The following COL5A1 variants were observed in gnomAD, a reference collection of about 807,000 sequenced individuals.
COL5A1 encodes the protein collagen type V alpha 1 chain.
Under a neutral mutation model 263.7 loss-of-function variants are expected in COL5A1, and 16 were observed. That is an observed-to-expected ratio of 0.06 (90% confidence interval 0.04 to 0.09). The LOEUF (loss-of-function observed/expected upper bound fraction) is 0.09, where lower values mean the gene tolerates loss of function less well. COL5A1 is among the 10% of genes least tolerant of loss of function. COL5A1 has a pLI of 1.00. For missense variants in COL5A1, 2,036 were observed against 2,540.5 expected (o/e 0.80, Z 4.27); for synonymous variants, 1,012 against 1,004.5 (o/e 1.01, Z -0.14).
chr9:134,806,119 G>A (rs1356123900), intron 41 of COL5A1, 70 bp from the exon 42 acceptor site: 1 of 1,141,948 alleles, frequency 8.8e-7, no homozygotes, highest in South Asian at 1.3e-5. Context: ...TGATCAGCTG[G>A]TGCTTTACAA....
rs372237723 is a variant in COL5A1, at chr9:134,699,859, T to C, written c.278-50T>C. 1.1e-3 allele frequency: 1,679 copies of C among 1,571,870 alleles called. 25 individuals are homozygous for C. The South Asian group carries it at 0.017, about 16-fold the overall frequency. On this transcript the variant is annotated intron_variant, in intron 2 of 65. Transcript: ENST00000371817. ...GTTTGCAGAGAGCCATGGCTGGGTG[T>C]GGTTGCAGGGGCTCCCCGACTGCCT...
chr9:134,842,362 G>T lies in COL5A1; in HGVS notation c.*59G>T. Reference sequence around the variant, plus strand: ...CGTGACCTCAGCATGCCATTCGTTCGTGAGTGTCCCGTGCACGTCCTGACC... The same window carrying T: ...CGTGACCTCAGCATGCCATTCGTTCTTGAGTGTCCCGTGCACGTCCTGACC... On this transcript the variant is annotated 3_prime_UTR_variant, in exon 66 of 66. Coordinates refer to ENST00000371817, the MANE Select transcript of COL5A1 (RefSeq NM_000093.5). This position sits in a 1 kb window ranked among gnomAD's most constrained non-coding sequence, Gnocchi z 5.8. 6.2e-7 allele frequency: 1 copy of T among 1,600,168 alleles called. No individual in the cohort carries two copies. Among genetic ancestry groups the T allele is most frequent in the Non-Finnish European group, 8.5e-7 (1 of 1,171,964 alleles).
At chr9:134,734,676 G>A (rs1369112515) in intron 9 of COL5A1, among the ~76,000 whole-genome samples, 3 of 152,224 alleles carry the variant, frequency 2.0e-5, no homozygotes, top group Admixed American at 6.5e-5. Context: ...AAAAGGACAG[G>A]AATCCACGGA....
At chr9:134,793,241 T>C (rs1355899285) in intron 32 of COL5A1, among the ~76,000 whole-genome samples, 1 of 152,026 alleles carries the variant, frequency 6.6e-6, no homozygotes, top group Non-Finnish European at 1.5e-5. Flanking sequence ...CTAGCTGTGT[T>C]TGACTTCCCC....
In COL5A1 at chr9:134,789,940, G is replaced by A. The variant is rs908886423; in HGVS notation, c.2700+732G>A. Among the ~76,000 whole-genome samples, 1 of 152,216 alleles carries A rather than the reference G, an allele frequency of 6.6e-6. No individual in the cohort carries two copies. Among genetic ancestry groups the A allele is most frequent in the African/African-American group, 2.4e-5 (1 of 41,448 alleles). On this transcript the variant is annotated intron_variant, in intron 32 of 65. Coordinates refer to ENST00000371817, the MANE Select transcript of COL5A1 (RefSeq NM_000093.5). This position sits in a 1 kb window ranked among gnomAD's most constrained non-coding sequence, Gnocchi z 4.8. ...GCCTTGTCCACGGGGCATATGGCGG[G>A]GACAGAGAAAGGCCAGTCTGTGGTG...
At chr9:134,649,520 C>T (rs773844131) in intron 1 of COL5A1, 2 of 470,908 alleles carry the variant, frequency 4.2e-6, no homozygotes, top group Non-Finnish European at 8.8e-6. Context: ...GGGAAATTAG[C>T]TCTTCTGTCC....
At chr9:134,768,824 C>A (rs911791726) in intron 25 of COL5A1, among the ~76,000 whole-genome samples, 1 of 152,180 alleles carries the variant, frequency 6.6e-6, no homozygotes, top group Non-Finnish European at 1.5e-5. Context: ...AGGCAGGGTA[C>A]GTGGTGTGTA....
intron 49 of COL5A1, 45 bp from the exon 50 acceptor site, chr9:134,814,752 G>T (rs938435341): frequency 6.9e-7 from 1 of 1,450,924 alleles, no homozygotes; most frequent in Admixed American, 2.0e-5. Context: ...TCTGGGCGGC[G>T]ACGTGGTTGG....
intron 28 of COL5A1, 146 bp downstream of exon 28, chr9:134,780,292 T>A (rs2132760483): frequency 1.2e-6 from 1 of 827,378 alleles, no homozygotes; most frequent in African/African-American, 1.7e-5. Flanking sequence ...TGCCACTCTG[T>A]GGAAAGTGTC....
intron 11 of COL5A1, among the ~76,000 whole-genome samples, chr9:134,747,714 CACACATGCAG>C (rs1429697041): frequency 8.3e-5 from 12 of 143,940 alleles, no homozygotes; most frequent in Non-Finnish European, 1.2e-4. Context: ...TGCATTCATA[CACACATGCAG>C]ACACATGCAC....
In COL5A1 at chr9:134,727,271, C is replaced by G. The variant is rs570691491; in HGVS notation, c.660C>G (p.Asp220Glu). Residue 220 changes from aspartate (D) to glutamate (E), a missense_variant, in exon 5 of 66, where the codon GAC becomes GAG. Physicochemically the swap from Asp to Glu is conservative, Grantham distance 45. This residue lies in a region of COL5A1 where 600 missense variants were observed against 634.5 expected (regional missense o/e 0.95). Coordinates refer to ENST00000371817, the MANE Select transcript of COL5A1 (RefSeq NM_000093.5). ...RILDEEVFEG[D>E]IQQLLFVSDH... ...GAGCGTCTCTTCTTTTCCAGGGTGACATCCAGCAGCTGCTCTTTGTCTCGG... is the reference window on the plus strand; with the variant it reads ...GAGCGTCTCTTCTTTTCCAGGGTGAGATCCAGCAGCTGCTCTTTGTCTCGG... The G allele has an allele frequency of 2.5e-6, 4 of 1,613,828 alleles. No individual in the cohort carries two copies. The Admixed American group carries it at 6.7e-5, about 27-fold the overall frequency.
chr9:134,777,138 A>C (rs950914285), intron 27 of COL5A1, among the ~76,000 whole-genome samples: 11 of 152,246 alleles, frequency 7.2e-5, no homozygotes, highest in African/African-American at 1.2e-4. Flanking sequence ...TGCACGTCTG[A>C]AGGGGCACCT....
At chr9:134,762,245 C>T (rs540384042) in intron 19 of COL5A1, among the ~76,000 whole-genome samples, 1 of 152,372 alleles carries the variant, frequency 6.6e-6, no homozygotes, top group African/African-American at 2.4e-5. Flanking sequence ...GCTCTCAGCT[C>T]TCACTGCAGG....
Position 134,647,889 on chromosome 9 carries a change from C to A in COL5A1, c.109+5593C>A, listed in dbSNP as rs1304007214. 6.6e-6 allele frequency among the ~76,000 whole-genome samples: 1 copy of A among 152,142 alleles called. No homozygotes were observed. Among genetic ancestry groups the A allele is most frequent in the South Asian group, 2.1e-4 (1 of 4,830 alleles). Reference sequence around the variant, plus strand: ...GGTGGATGTGCCTCGATCCTGCAGGCGGAGCCCACAGCGGCCCTTGTGGTG... The same window carrying A: ...GGTGGATGTGCCTCGATCCTGCAGGAGGAGCCCACAGCGGCCCTTGTGGTG... On this transcript the variant is annotated intron_variant, in intron 1 of 65. Transcript: ENST00000371817. The surrounding 1 kb of genome is among the most constrained non-coding windows in gnomAD (Gnocchi z 5.0).
intron 1 of COL5A1, among the ~76,000 whole-genome samples, chr9:134,664,423 G>A (rs146664780): frequency 5.9e-5 from 9 of 152,022 alleles, no homozygotes; most frequent in Non-Finnish European, 1.0e-4. Flanking sequence ...ACTGGTCACC[G>A]TAAGAAGAGA....
chr9:134,712,807 G>T (rs1834112596), intron 4 of COL5A1, among the ~76,000 whole-genome samples: 1 of 151,560 alleles, frequency 6.6e-6, no homozygotes, highest in Admixed American at 6.6e-5. Context: ...TGTTCAAATG[G>T]CCCCACCCTG....
intron 51 of COL5A1, 51 bp downstream of exon 51, chr9:134,815,680 C>T: frequency 2.5e-6 from 4 of 1,569,002 alleles, no homozygotes; most frequent in Non-Finnish European, 1.7e-6. Context: ...TGCTGGCCTG[C>T]CTCTGCCAGC....
At chr9:134,826,672 T>TATGGGTGGTGG (rs1285351714) in intron 63 of COL5A1, among the ~76,000 whole-genome samples, 1 of 139,764 alleles carries the variant, frequency 7.2e-6, no homozygotes, top group Non-Finnish European at 1.5e-5. Context: ...TGGGTGTGTG[T>TATGGGTGGTGG]ATGGGTGGTG....
At chr9:134,658,669 C>T (rs964699500) in intron 1 of COL5A1, among the ~76,000 whole-genome samples, 26 of 152,292 alleles carry the variant, frequency 1.7e-4, no homozygotes, top group Middle Eastern at 3.4e-3. Flanking sequence ...TGGAAGCCGA[C>T]GCCCCTCTTG....
Sources: gnomAD v4.1 joint callset for allele counts (sites outside exome capture counted in the v4.1 genomes callset) on GRCh38, gnomAD v4.1.1 for gene constraint, gnomAD v4.1.1 regional missense constraint, Gnocchi (gnomAD v3.1) non-coding constraint, MANE v1.5 for transcripts, NCBI Gene and HGNC (gene_info 2026-07-23, HGNC 2026-07-21) for gene names.